RAB3GAP2: variants seen among roughly 807,000 people sequenced by gnomAD.
RAB3GAP2 encodes rab3 GTPase-activating protein non-catalytic subunit.
Under a neutral mutation model 185.3 loss-of-function variants are expected in RAB3GAP2, and 87 were observed. That is an observed-to-expected ratio of 0.47 (90% CI 0.39 to 0.56). RAB3GAP2 has a LOEUF of 0.56. Among genes scored for constraint, RAB3GAP2 ranks in the 20% least tolerant of loss-of-function variants. The pLI, the probability that RAB3GAP2 is intolerant of heterozygous loss-of-function variation, is 0.00. For synonymous variants in RAB3GAP2, 554 were observed against 576.1 expected (o/e 0.96, Z 0.55); for missense variants, 1,492 against 1,638.2 (o/e 0.91, Z 1.54).
chr1:220,221,804 G>T (rs758352518), intron 2 of RAB3GAP2, among the ~76,000 whole-genome samples: 4 of 152,210 alleles, frequency 2.6e-5, no homozygotes, highest in Non-Finnish European at 4.4e-5. Context: ...AATTAAATCA[G>T]TCTTTCAACT....
chr1:220,241,214 G>A (rs1659691764), intron 1 of RAB3GAP2, among the ~76,000 whole-genome samples: 1 of 151,942 alleles, frequency 6.6e-6, no homozygotes, highest in Admixed American at 6.6e-5. Flanking sequence ...TAAACTGAGT[G>A]TATGTTTTTT....
chr1:220,261,264 ATTC>A (rs1660133053), intron 1 of RAB3GAP2, among the ~76,000 whole-genome samples: 1 of 152,196 alleles, frequency 6.6e-6, no homozygotes, highest in Non-Finnish European at 1.5e-5. Context: ...AGTTTCAAGA[ATTC>A]TTCTCTATGA....
intron 1 of RAB3GAP2, among the ~76,000 whole-genome samples, chr1:220,238,035 G>A (rs907473081): frequency 6.6e-6 from 1 of 152,046 alleles, no homozygotes; most frequent in Non-Finnish European, 1.5e-5. Context: ...AATCTGATGA[G>A]TGTTTTTTTA....
At chr1:220,267,061 C>T (rs1322463543) in intron 1 of RAB3GAP2, 2 of 1,606,314 alleles carry the variant, frequency 1.2e-6, no homozygotes, top group African/African-American at 2.7e-5. Flanking sequence ...GAGAGTGGTC[C>T]TCCTGGAAGA....
At chr1:220,186,495 C>G (rs540207600) in intron 17 of RAB3GAP2, among the ~76,000 whole-genome samples, 1 of 152,206 alleles carries the variant, frequency 6.6e-6, no homozygotes, top group South Asian at 2.1e-4. Flanking sequence ...TTGGTCAGGC[C>G]TATAATGAAG....
chr1:220,269,318 G>A (rs1209877486), intron 1 of RAB3GAP2, among the ~76,000 whole-genome samples: 1 of 152,172 alleles, frequency 6.6e-6, no homozygotes, highest in Non-Finnish European at 1.5e-5. Context: ...AAGGGGAGAG[G>A]TGTATAAGGT....
intron 2 of RAB3GAP2, among the ~76,000 whole-genome samples, chr1:220,231,325 T>C (rs1659497315): frequency 6.6e-6 from 1 of 152,220 alleles, no homozygotes; most frequent in African/African-American, 2.4e-5. Flanking sequence ...GTTGACTCCC[T>C]GTTGCCTTTT....
At chr1:220,210,729 C>G in intron 6 of RAB3GAP2, 72 bp downstream of exon 6, 3 of 1,429,328 alleles carry the variant, frequency 2.1e-6, no homozygotes, top group Non-Finnish European at 2.9e-6. Flanking sequence ...AAGTCACAAA[C>G]AGTATAAAGG....
intron 31 of RAB3GAP2, among the ~76,000 whole-genome samples, chr1:220,154,906 T>C (rs1657829581): frequency 6.6e-6 from 1 of 152,004 alleles, no homozygotes. Flanking sequence ...GTATTTTTAG[T>C]AGAGACGGGG....
At chr1:220,237,265 G>C (rs1448503258) in intron 1 of RAB3GAP2, among the ~76,000 whole-genome samples, 1 of 152,160 alleles carries the variant, frequency 6.6e-6, no homozygotes, top group African/African-American at 2.4e-5. Context: ...TTCCGTGAAA[G>C]ACTAGACTAC....
rs376161791 is a variant in RAB3GAP2 at position 220,172,109 on chromosome 1, C to T, written c.2417-60G>A. The stretch of plus-strand genomic sequence containing the variant: ...TTACCCTGTCAATTTTTTGGACTAA[C>T]CATTTATGTTAAACATAATGTTAAA... On this transcript the variant is annotated intron_variant, in intron 22 of 34. Coordinates refer to ENST00000358951, the MANE Select transcript of RAB3GAP2 (RefSeq NM_012414.4). 8,913 of 1,546,072 alleles carry T rather than the reference C, an allele frequency of 5.8e-3. 23 individuals are homozygous for T. Among genetic ancestry groups the T allele is most frequent in the Middle Eastern group, 7.6e-3 (44 of 5,808 alleles).
intron 7 of RAB3GAP2, among the ~76,000 whole-genome samples, 194 bp downstream of exon 7, chr1:220,210,194 C>A (rs1310779731): frequency 2.0e-5 from 3 of 152,018 alleles, no homozygotes; most frequent in African/African-American, 7.2e-5. Flanking sequence ...TATAATATTT[C>A]ATTAAATAAG....
chr1:220,201,793 C>A (rs1250114225), intron 9 of RAB3GAP2, among the ~76,000 whole-genome samples: 2 of 152,144 alleles, frequency 1.3e-5, no homozygotes, highest in African/African-American at 4.8e-5. Flanking sequence ...AGCCATCATG[C>A]CCAGTTTTAA....
In RAB3GAP2 at chr1:220,165,492, G is replaced by T. The variant is rs377341437; in HGVS notation, c.3088-693C>A. Among the ~76,000 whole-genome samples, 4 of 152,010 alleles carry T rather than the reference G, an allele frequency of 2.6e-5. No individual in the cohort carries two copies. In the East Asian group the frequency reaches 7.8e-4, roughly 29 times the overall value. ...TAGATATCTGCTAAATAATTTTGTA[G>T]CTTGTACATCATCATCAAACATATC... On this transcript the variant is annotated intron_variant, in intron 26 of 34. Coordinates refer to ENST00000358951, the MANE Select transcript of RAB3GAP2 (RefSeq NM_012414.4).
At chr1:220,180,563 T>C (rs1174489117) in intron 21 of RAB3GAP2, among the ~76,000 whole-genome samples, 1 of 152,116 alleles carries the variant, frequency 6.6e-6, no homozygotes, top group African/African-American at 2.4e-5. Context: ...AAACCAGTAA[T>C]GGGTAACGAG....
In RAB3GAP2 at chr1:220,157,413, T is replaced by C; in HGVS notation, c.3412A>G (p.Ile1138Val). The C allele has an allele frequency of 2.5e-6, 4 of 1,613,752 alleles. No individual in the cohort carries two copies. Among genetic ancestry groups the C allele is most frequent in the Non-Finnish European group, 3.4e-6 (4 of 1,179,968 alleles). The change falls in exon 31 of 35, where the codon ATC (isoleucine) becomes GTC (valine). Residue 1138 changes from isoleucine (I) to valine (V), a missense_variant. By Grantham distance (29) the Ile-to-Val change is conservative. Transcript: ENST00000358951. Reference protein sequence around the residue: ...EDAWLSVEGPISIVELALEQK... With the variant: ...EDAWLSVEGPVSIVELALEQK... ...TCAAGGGCCAGTTCCACTATGGAGA[T>C]TGGTCCTTCCACGGAGAGCCACGCA...
chr1:220,182,941 A>G lies in RAB3GAP2; in HGVS notation c.1999-10T>C. 2.5e-6 allele frequency: 4 copies of G among 1,597,880 alleles called. No homozygotes were observed. The highest frequency in any genetic ancestry group is 3.4e-6 in the Non-Finnish European group (4 of 1,166,618). ...GTAACAGAGCCAAGTCCTTTAAAAC[A>G]GAAAACAAAACAAAACAACATTCCA... On this transcript the variant is annotated splice_polypyrimidine_tract_variant and intron_variant, in intron 19 of 34. Coordinates refer to ENST00000358951, the MANE Select transcript of RAB3GAP2 (RefSeq NM_012414.4).
chr1:220,260,013 G>C (rs982314228), intron 1 of RAB3GAP2, among the ~76,000 whole-genome samples: 34 of 152,238 alleles, frequency 2.2e-4, no homozygotes, highest in Non-Finnish European at 8.8e-5. Flanking sequence ...AATCATTACA[G>C]AAATGCAAAT....
chr1:220,224,000 T>A (rs1040466664), intron 2 of RAB3GAP2, among the ~76,000 whole-genome samples: 2 of 109,646 alleles, frequency 1.8e-5, no homozygotes, highest in African/African-American at 3.8e-5. Context: ...AGCAAGACCC[T>A]ATCTCAAAAA....
Sources: gnomAD v4.1 joint callset for allele counts (sites outside exome capture counted in the v4.1 genomes callset) on GRCh38, gnomAD v4.1.1 for gene constraint, MANE v1.5 for transcripts, NCBI Gene and HGNC (gene_info 2026-07-23, HGNC 2026-07-21) for gene names.